Variants in LRRC4C observed in about 807,000 individuals in gnomAD.
LRRC4C encodes leucine-rich repeat-containing protein 4C.
A neutral mutation model predicts 33.6 loss-of-function variants in LRRC4C; 5 were observed. That is an observed-to-expected ratio of 0.15 (90% CI 0.08 to 0.31). The LOEUF is 0.31. Ranked by LOEUF, LRRC4C falls within the 10% of genes least tolerant of loss-of-function variation. The pLI is 1.00. For synonymous variants in LRRC4C, 329 were observed against 302.0 expected (o/e 1.09, Z -0.93); for missense variants, 560 against 796.7 (o/e 0.70, Z 3.58).
rs1484757192 is a variant in LRRC4C at position 41,184,813 on chromosome 11, T to C, written c.-495-251090A>G. ...ACTGCATACCTGAGACTGGGCAATT[T>C]ACAAAAAAAAAAAAAAAAAAGGTTT... is the stretch of plus-strand genomic sequence containing the variant. On this transcript the variant is annotated intron_variant, in intron 1 of 6. Coordinates refer to ENST00000528697, the MANE Select transcript of LRRC4C (RefSeq NM_001258419.2). 3.0e-3 allele frequency among the ~76,000 whole-genome samples: 274 copies of C among 90,634 alleles called. 1 individual carries two copies. The highest frequency in any genetic ancestry group is 0.011 in the African/African-American group (260 of 23,946). 59.5% of individuals were successfully genotyped at this position (90,634 alleles called of 152,430 possible). A position where few individuals can be genotyped will look rare whatever the true frequency, so the allele number is the denominator to read the frequency against.
chr11:40,234,425 T>C (rs1249773493), intron 5 of LRRC4C, among the ~76,000 whole-genome samples: 1 of 152,122 alleles, frequency 6.6e-6, no homozygotes, highest in African/African-American at 2.4e-5. Context: ...TTCACCTATC[T>C]AGTAAGAGAA....
intron 4 of LRRC4C, among the ~76,000 whole-genome samples, chr11:40,271,982 G>A (rs1416061351): frequency 1.3e-5 from 2 of 152,082 alleles, no homozygotes; most frequent in African/African-American, 4.8e-5. Flanking sequence ...GGTTCTATCT[G>A]AAAGTCAGTG....
At chr11:40,503,685 AT>A (rs1954892497) in intron 3 of LRRC4C, among the ~76,000 whole-genome samples, 1 of 152,136 alleles carries the variant, frequency 6.6e-6, no homozygotes, top group South Asian at 2.1e-4. Context: ...TTGATTCACC[AT>A]TTTACCACAT....
chr11:40,590,127 G>T (rs1958969740), intron 3 of LRRC4C, among the ~76,000 whole-genome samples: 1 of 151,604 alleles, frequency 6.6e-6, no homozygotes, highest in Non-Finnish European at 1.5e-5. Flanking sequence ...ATCAGATGTA[G>T]ATTTGGTCTT....
intron 1 of LRRC4C, among the ~76,000 whole-genome samples, chr11:40,981,110 A>G (rs1297178587): frequency 1.3e-5 from 2 of 152,174 alleles, no homozygotes; most frequent in Non-Finnish European, 2.9e-5. Flanking sequence ...TCTGAAATAT[A>G]TGTGGCTGAA....
intron 1 of LRRC4C, among the ~76,000 whole-genome samples, chr11:40,969,472 A>AAC (rs10633506): frequency 1.4e-4 from 21 of 151,800 alleles, no homozygotes; most frequent in East Asian, 7.8e-4. Flanking sequence ...CAAAAAAAAA[A>AAC]AAAACTATTT....
intron 5 of LRRC4C, among the ~76,000 whole-genome samples, chr11:40,206,935 G>A (rs1181991570): frequency 6.6e-6 from 1 of 151,844 alleles, no homozygotes; most frequent in African/African-American, 2.4e-5. Context: ...TGGGGGAAGG[G>A]GACACTATGC....
intron 3 of LRRC4C, among the ~76,000 whole-genome samples, chr11:40,343,700 G>A (rs1204311027): frequency 2.2e-5 from 2 of 89,506 alleles, no homozygotes; most frequent in Non-Finnish European, 4.5e-5. Context: ...GAATCCAGGA[G>A]TTGTTTTTTT....
intron 3 of LRRC4C, among the ~76,000 whole-genome samples, chr11:40,646,245 G>C (rs1037781766): frequency 6.6e-6 from 1 of 152,090 alleles, no homozygotes; most frequent in Non-Finnish European, 1.5e-5. Flanking sequence ...GGAACAATTA[G>C]TAAAAGGCTA....
At chr11:40,296,111 G>A in intron 4 of LRRC4C, among the ~76,000 whole-genome samples, 1 of 152,100 alleles carries the variant, frequency 6.6e-6, no homozygotes, top group Non-Finnish European at 1.5e-5. Context: ...AATACTATCA[G>A]AATGAATTAA....
At chr11:40,732,048 CAA>C (rs35317696) in intron 2 of LRRC4C, among the ~76,000 whole-genome samples, 17 of 145,622 alleles carry the variant, frequency 1.2e-4, no homozygotes, top group South Asian at 8.8e-4. Flanking sequence ...TAGTAATATG[CAA>C]AAAAAAACCA....
intron 1 of LRRC4C, among the ~76,000 whole-genome samples, chr11:41,437,417 G>GCA (rs199513773): frequency 0.033 from 2,794 of 84,938 alleles, 89 homozygotes; most frequent in African/African-American, 0.13. Context: ...ACAAACGCGC[G>GCA]CGCGCGCGCA....
chr11:40,527,022 T>G (rs887320653), intron 3 of LRRC4C, among the ~76,000 whole-genome samples: 1 of 152,082 alleles, frequency 6.6e-6, no homozygotes, highest in Admixed American at 6.6e-5. Flanking sequence ...ACATATAAAA[T>G]TATATGCTTT....
intron 1 of LRRC4C, among the ~76,000 whole-genome samples, chr11:41,215,927 C>A (rs1331000867): frequency 6.6e-6 from 1 of 152,182 alleles, no homozygotes; most frequent in Non-Finnish European, 1.5e-5. Context: ...TGAGGAACTG[C>A]TGAACTGCTT....
chr11:41,389,982 C>T (rs1172413496), intron 1 of LRRC4C, among the ~76,000 whole-genome samples: 1 of 151,886 alleles, frequency 6.6e-6, no homozygotes, highest in Non-Finnish European at 1.5e-5. Context: ...GCTATGGTTA[C>T]ACAGGACATA....
At chr11:40,444,566 G>C (rs933076284) in intron 3 of LRRC4C, among the ~76,000 whole-genome samples, 13 of 151,840 alleles carry the variant, frequency 8.6e-5, no homozygotes, top group Non-Finnish European at 2.9e-5. Context: ...TATTTAAAAA[G>C]AATGCCTCTA....
chr11:40,572,190 G>A (rs991277386), intron 3 of LRRC4C, among the ~76,000 whole-genome samples: 1 of 152,178 alleles, frequency 6.6e-6, no homozygotes, highest in Non-Finnish European at 1.5e-5. Context: ...TTGTAAAAAT[G>A]GAATACACTA....
intron 1 of LRRC4C, among the ~76,000 whole-genome samples, chr11:41,438,725 C>A (rs1020176618): frequency 2.0e-5 from 3 of 152,150 alleles, no homozygotes; most frequent in East Asian, 1.9e-4. Flanking sequence ...TATCACCAAC[C>A]TTTAATAATT....
intron 1 of LRRC4C, among the ~76,000 whole-genome samples, chr11:41,178,731 T>G (rs974281189): frequency 1.3e-5 from 2 of 152,024 alleles, no homozygotes; most frequent in African/African-American, 4.8e-5. Flanking sequence ...TGAGACGGAG[T>G]CTCGCTCTGT....
Sources: gnomAD v4.1 joint callset for allele counts (sites outside exome capture counted in the v4.1 genomes callset) on GRCh38, gnomAD v4.1.1 for gene constraint, MANE v1.5 for transcripts, NCBI Gene and HGNC (gene_info 2026-07-23, HGNC 2026-07-21) for gene names.